WDR27: variants seen among roughly 807,000 people sequenced by gnomAD.
WDR27 encodes WD repeat-containing protein 27.
Under a neutral mutation model 114.4 loss-of-function variants are expected in WDR27, and 100 were observed. The observed-to-expected ratio is 0.87, with a 90% CI of 0.74 to 1.03. The LOEUF is 1.03. WDR27 is among the 50% of genes least tolerant of loss of function. The pLI is 0.00. For synonymous variants in WDR27, 449 were observed against 423.1 expected (o/e 1.06, Z -0.75); for missense variants, 1,129 against 1,092.9 (o/e 1.03, Z -0.47).
intron 10 of WDR27, 64 bp downstream of exon 10, chr6:169,660,599 C>A: frequency 7.3e-7 from 1 of 1,377,982 alleles, no homozygotes; most frequent in South Asian, 1.2e-5. Flanking sequence ...AACACTTACA[C>A]TACCCCACAT....
intron 25 of WDR27, among the ~76,000 whole-genome samples, chr6:169,529,357 C>T (rs1386978568): frequency 6.6e-6 from 1 of 150,716 alleles, no homozygotes; most frequent in Admixed American, 6.6e-5. Flanking sequence ...GTGTTTTTTC[C>T]CTTCGTTTGT....
the WDR27 span, among the ~76,000 whole-genome samples, chr6:169,440,340 T>C: frequency 6.6e-6 from 1 of 152,300 alleles, no homozygotes; most frequent in Non-Finnish European, 1.5e-5. Flanking sequence ...AGAAGAGAAA[T>C]AGTTATTTCC....
chr6:169,679,907 G>A (rs1562916533), intron 2 of WDR27, among the ~76,000 whole-genome samples: 1 of 152,276 alleles, frequency 6.6e-6, no homozygotes, highest in East Asian at 1.9e-4. Context: ...AACATAGGAA[G>A]TTTTAAAGGC....
chr6:169,613,122 T>C (rs1383297545), intron 22 of WDR27, among the ~76,000 whole-genome samples: 1 of 152,202 alleles, frequency 6.6e-6, no homozygotes, highest in Non-Finnish European at 1.5e-5. Flanking sequence ...AATGATAGTA[T>C]ATCTAAGGAA....
At chr6:169,639,544 T>A (rs1247578576) in intron 17 of WDR27, among the ~76,000 whole-genome samples, 3 of 152,118 alleles carry the variant, frequency 2.0e-5, no homozygotes, top group African/African-American at 7.2e-5. Context: ...AAAAGTTTTG[T>A]CTAAACTCAC....
At chr6:169,464,296 T>C (rs902221629) in intron 25 of WDR27, among the ~76,000 whole-genome samples, 1 of 152,136 alleles carries the variant, frequency 6.6e-6, no homozygotes, top group East Asian at 1.9e-4. Context: ...AGACAACCTT[T>C]ACAACAAATG....
chr6:169,607,474 C>T (rs1361859008), intron 22 of WDR27, among the ~76,000 whole-genome samples: 1 of 151,830 alleles, frequency 6.6e-6, no homozygotes, highest in Non-Finnish European at 1.5e-5. Flanking sequence ...ATGTCTTTTG[C>T]AGCACATGGA....
chr6:169,682,816 G>T (rs1363195186), intron 2 of WDR27, among the ~76,000 whole-genome samples: 1 of 152,126 alleles, frequency 6.6e-6, no homozygotes, highest in African/African-American at 2.4e-5. Flanking sequence ...GGAATCTCAA[G>T]AAAATTTAGA....
the WDR27 span, among the ~76,000 whole-genome samples, chr6:169,445,037 G>A: frequency 6.6e-6 from 1 of 152,154 alleles, no homozygotes; most frequent in African/African-American, 2.4e-5. Flanking sequence ...CACAGGATGG[G>A]ATTCGTGTGT....
chr6:169,674,063 A>C (rs1160073817), intron 2 of WDR27, among the ~76,000 whole-genome samples: 1 of 152,244 alleles, frequency 6.6e-6, no homozygotes, highest in African/African-American at 2.4e-5. Context: ...CAGTGCCCTG[A>C]GCATGACTGG....
At chr6:169,632,469 A>G (rs1816667129) in intron 21 of WDR27, among the ~76,000 whole-genome samples, 1 of 152,200 alleles carries the variant, frequency 6.6e-6, no homozygotes. Context: ...CTATCAGACA[A>G]TGAACTCATC....
At chr6:169,491,510 T>C (rs1332327262) in intron 25 of WDR27, among the ~76,000 whole-genome samples, 1 of 151,824 alleles carries the variant, frequency 6.6e-6, no homozygotes, top group Non-Finnish European at 1.5e-5. Flanking sequence ...ATATAAAATA[T>C]AAGAGAAGAA....
At chr6:169,664,479 C>CA in intron 7 of WDR27, 193 bp from the exon 8 acceptor site, 1 of 1,434,768 alleles carries the variant, frequency 7.0e-7, no homozygotes, top group East Asian at 2.6e-5. Context: ...CCCACGGTGT[C>CA]AGAGCACTTT....
the WDR27 span, chr6:169,426,485 CTTATT>C: frequency 1.3e-5 from 2 of 152,178 alleles, no homozygotes; most frequent in South Asian, 2.1e-4. Context: ...AAGATATAGA[CTTATT>C]TTATAAATTA....
At chr6:169,624,709 A>G (rs990656281) in intron 21 of WDR27, among the ~76,000 whole-genome samples, 1 of 152,188 alleles carries the variant, frequency 6.6e-6, no homozygotes, top group African/African-American at 2.4e-5. Context: ...GAGTTTGACA[A>G]CCACTGAGAA....
At chr6:169,644,097 C>A (rs9383510) in intron 16 of WDR27, among the ~76,000 whole-genome samples, 122 of 77,712 alleles carry the variant, frequency 1.6e-3, no homozygotes, top group South Asian at 2.6e-3. Flanking sequence ...GTCACACTGT[C>A]GAAAAGCCTA....
At position 169,565,046 on chromosome 6, in the gene WDR27, C is replaced by T. The variant is rs545239820; in HGVS notation, c.2645+7373G>A. 1.8e-4 allele frequency among the ~76,000 whole-genome samples: 28 copies of T among 152,070 alleles called. No homozygotes were observed. The East Asian group carries it at 5.1e-3, about 28-fold the overall frequency. On this transcript the variant is annotated intron_variant, in intron 25 of 25. Coordinates refer to ENST00000448612, the MANE Select transcript of WDR27 (RefSeq NM_182552.5). ...CCCTTCCACCAGCCTGAAGCCTCGC[C>T]GAGCTGAGCCCAGTCTAGCCAAGCC...
At position 169,583,792 on chromosome 6, in the gene WDR27, T is replaced by C. The variant is rs542923627; in HGVS notation, c.2425-858A>G. On this transcript the variant is annotated intron_variant, in intron 23 of 25. Coordinates refer to ENST00000448612, the MANE Select transcript of WDR27 (RefSeq NM_182552.5). ...TTTTTAAAAAATGAAGCGTATTGTG[T>C]ATATTTGAAGTTTGCAATATGATTT... Among the ~76,000 whole-genome samples the C allele has an allele frequency of 1.9e-4, 29 of 152,232 alleles. 1 individual carries two copies. In the Middle Eastern group the frequency reaches 0.014, roughly 72 times the overall value.
chr6:169,436,975 A>C, the WDR27 span, among the ~76,000 whole-genome samples: 3 of 152,168 alleles, frequency 2.0e-5, no homozygotes, highest in African/African-American at 7.2e-5. Flanking sequence ...AAAGTTACTA[A>C]ACATTAAGAC....
Sources: gnomAD v4.1 joint callset for allele counts (sites outside exome capture counted in the v4.1 genomes callset) on GRCh38, gnomAD v4.1.1 for gene constraint, MANE v1.5 for transcripts, NCBI Gene and HGNC (gene_info 2026-07-23, HGNC 2026-07-21) for gene names.